Variants in PHIP observed in about 807,000 individuals in gnomAD.
PHIP encodes PHIP subunit of CUL4-Ring ligase complex, also known as PH-interacting protein.
A neutral mutation model predicts 236.8 loss-of-function variants in PHIP; 54 were observed. The ratio of observed to expected loss-of-function variants is 0.23; its 90% CI spans 0.18 to 0.29. The LOEUF (loss-of-function observed/expected upper bound fraction) is 0.29, where lower values mean the gene tolerates loss of function less well. Among genes scored for constraint, PHIP ranks in the 10% least tolerant of loss-of-function variants. The pLI is 1.00. For missense variants in PHIP, 1,370 were observed against 2,190.8 expected (o/e 0.63, Z 7.48); for synonymous variants, 756 against 718.9 (o/e 1.05, Z -0.83).
intron 4 of PHIP, among the ~76,000 whole-genome samples, chr6:79,076,944 C>T (rs1384801290): frequency 3.3e-5 from 5 of 152,220 alleles, no homozygotes; most frequent in Non-Finnish European, 7.3e-5. Context: ...TAATGTCTTG[C>T]CACGGTACCG....
At chr6:78,981,621 C>A (rs1043260714) in intron 23 of PHIP, among the ~76,000 whole-genome samples, 13 of 151,952 alleles carry the variant, frequency 8.6e-5, no homozygotes, top group Non-Finnish European at 4.4e-5. Flanking sequence ...CCAGATGAAG[C>A]AAACTGTACT....
At chr6:78,967,875 C>CT (rs1439267371) in intron 27 of PHIP, among the ~76,000 whole-genome samples, 2 of 152,120 alleles carry the variant, frequency 1.3e-5, no homozygotes, top group Admixed American at 6.6e-5. Context: ...TGGCTCATGC[C>CT]TGTAATCCTA....
At chr6:79,056,074 T>C (rs963231918) in intron 6 of PHIP, among the ~76,000 whole-genome samples, 8 of 152,094 alleles carry the variant, frequency 5.3e-5, no homozygotes, top group Admixed American at 2.0e-4. Context: ...TGCTGAAGAG[T>C]TGGGTCTCTA....
chr6:79,067,795 TA>T (rs936585530), intron 4 of PHIP: 1 of 153,302 alleles, frequency 6.5e-6, no homozygotes, highest in Non-Finnish European at 1.5e-5. Context: ...GCCCAAGTCA[TA>T]AATCTGTATC....
intron 13 of PHIP, among the ~76,000 whole-genome samples, 180 bp downstream of exon 13, chr6:79,016,364 T>C (rs934145299): frequency 2.0e-5 from 3 of 152,058 alleles, no homozygotes; most frequent in Admixed American, 1.3e-4. Flanking sequence ...TCCTGAAATA[T>C]GCCAATGAAT....
intron 6 of PHIP, among the ~76,000 whole-genome samples, chr6:79,046,753 G>A (rs562984755): frequency 2.7e-4 from 41 of 152,162 alleles, no homozygotes; most frequent in Non-Finnish European, 4.4e-4. Context: ...GTAGGTGCCT[G>A]TAATCCCAGC....
intron 39 of PHIP, 121 bp downstream of exon 39, chr6:78,945,179 A>G: frequency 4.3e-6 from 3 of 703,482 alleles, no homozygotes; most frequent in Admixed American, 4.6e-5. Flanking sequence ...TTTATCAACT[A>G]ATACAGATGT....
chr6:78,978,055 C>T (rs1768239660), intron 24 of PHIP, among the ~76,000 whole-genome samples: 1 of 152,048 alleles, frequency 6.6e-6, no homozygotes, highest in Non-Finnish European at 1.5e-5. Flanking sequence ...CCAGTTCTTA[C>T]ATTTTCATTC....
intron 15 of PHIP, among the ~76,000 whole-genome samples, chr6:79,013,955 A>G (rs1167336393): frequency 6.6e-6 from 1 of 151,630 alleles, no homozygotes; most frequent in Non-Finnish European, 1.5e-5. Flanking sequence ...TTTTACTAGC[A>G]TATTTACAGG....
At chr6:79,002,216 C>T (rs1000621549) in intron 16 of PHIP, 92 bp from the exon 17 acceptor site, 3 of 770,904 alleles carry the variant, frequency 3.9e-6, no homozygotes, top group Non-Finnish European at 6.3e-6. Context: ...AAAGCAAACA[C>T]CTGAATACGA....
intron 19 of PHIP, among the ~76,000 whole-genome samples, chr6:78,993,896 T>C (rs891941258): frequency 6.6e-6 from 1 of 152,220 alleles, no homozygotes; most frequent in Non-Finnish European, 1.5e-5. Flanking sequence ...GCACTAGTTA[T>C]TCTGCTAACA....
Position 79,025,928 on chromosome 6 carries a change from G to C in PHIP, c.822+15C>G, listed in dbSNP as rs1256759703. Reference sequence around the variant, plus strand: ...AACAACAACAACAACAATGTATAGGGATTAAGACAATTACCTGTAGTGATG... The same window carrying C: ...AACAACAACAACAACAATGTATAGGCATTAAGACAATTACCTGTAGTGATG... On this transcript the variant is annotated intron_variant, in intron 8 of 39. Transcript: ENST00000275034. 1 of 1,502,546 alleles carries C rather than the reference G, an allele frequency of 6.7e-7. No individual in the cohort carries two copies. Among genetic ancestry groups the C allele is most frequent in the South Asian group, 1.1e-5 (1 of 87,954 alleles). The allele number at this position is 1,502,546 out of a possible 1,614,324, so 93.1% of individuals were successfully genotyped here.
In PHIP at chr6:78,945,340, C is replaced by G; in HGVS notation, c.4788G>C (p.Lys1596Asn). 6.2e-7 allele frequency: 1 copy of G among 1,613,738 alleles called. No individual in the cohort carries two copies. The highest frequency in any genetic ancestry group is 8.5e-7 in the Non-Finnish European group (1 of 1,179,764). ...KRKMKSSVLPKASTLSKSSAV... is the reference protein window; with the variant it reads ...KRKMKSSVLPNASTLSKSSAV... ...CTGATGACTTTGAAAGAGTGGACGC[C>G]TTTGGGAGTACAGATGACTTCATTT... The change falls in exon 39 of 40, where the codon AAG (lysine) becomes AAC (asparagine). Residue 1596 changes from lysine (K) to asparagine (N), a missense_variant. By Grantham distance (94) the Lys-to-Asn change is moderately conservative. This residue lies in a region of PHIP where 309 missense variants were observed against 328.3 expected (regional missense o/e 0.94). Transcript: ENST00000275034.
At chr6:78,990,642 G>C (rs1052138144) in intron 20 of PHIP, among the ~76,000 whole-genome samples, 1 of 152,070 alleles carries the variant, frequency 6.6e-6, no homozygotes, top group Non-Finnish European at 1.5e-5. Flanking sequence ...AGAATTTCAT[G>C]AGTATGTAAG....
rs577133890 is a variant in PHIP at position 79,000,763 on chromosome 6, T to G, written c.1879+1136A>C. ...TCTGTCCATACTTCTCGAATACTACTTATTCTTTGAGTTCATGCTGTGTCC... is the reference window on the plus strand; with the variant it reads ...TCTGTCCATACTTCTCGAATACTACGTATTCTTTGAGTTCATGCTGTGTCC... On this transcript the variant is annotated intron_variant, in intron 17 of 39. Coordinates refer to ENST00000275034, the MANE Select transcript of PHIP (RefSeq NM_017934.7). 3.3e-5 allele frequency among the ~76,000 whole-genome samples: 5 copies of G among 152,204 alleles called. No homozygotes were observed. The East Asian group carries it at 9.7e-4, about 29-fold the overall frequency.
At position 78,985,424 on chromosome 6, in the gene PHIP, C is replaced by T; in HGVS notation, c.2465G>A (p.Gly822Asp). 1.9e-6 allele frequency: 3 copies of T among 1,561,384 alleles called. No homozygotes were observed. The highest frequency in any genetic ancestry group is 2.7e-6 in the Non-Finnish European group (3 of 1,132,022). The change falls in exon 22 of 40, where the codon GGC (glycine) becomes GAC (aspartate). Residue 822 changes from glycine to aspartate, a missense_variant. Around this residue, in one of 14 missense-constraint regions of PHIP, gnomAD observed 99 missense variants for 110.0 expected, o/e 0.90. Transcript: ENST00000275034. ...TCCACCACTGACAGCAACTACTTCGCCTTCCTAAGATATGTTGAATACATG... is the reference window on the plus strand; with the variant it reads ...TCCACCACTGACAGCAACTACTTCGTCTTCCTAAGATATGTTGAATACATG... ...IENGSSSSDE[G>D]EVVAVSGGTS...
chr6:78,943,988 TTTAAAAAAA>T (rs1294906483), intron 39 of PHIP, among the ~76,000 whole-genome samples: 4 of 24,348 alleles, frequency 1.6e-4, no homozygotes, highest in Non-Finnish European at 3.2e-4. Context: ...CCTGTCTTTT[TTTAAAAAAA>T]AAAAAAAAAA....
intron 9 of PHIP, among the ~76,000 whole-genome samples, chr6:79,022,156 C>G (rs930203686): frequency 1.3e-5 from 2 of 152,192 alleles, no homozygotes; most frequent in African/African-American, 4.8e-5. Flanking sequence ...CTAGGTCTAT[C>G]ACTTATCAAG....
rs1047480886 is a variant in PHIP, at chr6:78,997,671, T to TA, written c.2018-75dup. 10 of 1,139,398 alleles carry TA rather than the reference T, an allele frequency of 8.8e-6. No individual in the cohort carries two copies. In the African/African-American group the frequency reaches 1.3e-4, roughly 14 times the overall value. 70.6% of individuals were successfully genotyped at this position (1,139,398 alleles called of 1,614,324 possible). ...ATTAGTTTATAACAGAAAAAAGAGATAAAACACTATCTTCCATAAGAAACT... is the reference window on the plus strand; with the variant it reads ...ATTAGTTTATAACAGAAAAAAGAGATAAAAACACTATCTTCCATAAGAAACT... On this transcript the variant is annotated intron_variant, in intron 18 of 39. Coordinates refer to ENST00000275034, the MANE Select transcript of PHIP (RefSeq NM_017934.7).
Sources: gnomAD v4.1 joint callset for allele counts (sites outside exome capture counted in the v4.1 genomes callset) on GRCh38, gnomAD v4.1.1 for gene constraint, gnomAD v4.1.1 regional missense constraint, MANE v1.5 for transcripts, NCBI Gene and HGNC (gene_info 2026-07-23, HGNC 2026-07-21) for gene names.